TSPOAP1: variants seen among roughly 807,000 people sequenced by gnomAD.
TSPOAP1 encodes peripheral-type benzodiazepine receptor-associated protein 1.
A neutral mutation model predicts 197.0 loss-of-function variants in TSPOAP1; 87 were observed. The observed-to-expected ratio is 0.44, with a 90% CI of 0.37 to 0.53. The LOEUF (loss-of-function observed/expected upper bound fraction) is 0.53. Among genes scored for constraint, TSPOAP1 ranks in the 20% least tolerant of loss-of-function variants. The pLI, the probability that TSPOAP1 is intolerant of heterozygous loss-of-function variation, is 0.00. For synonymous variants in TSPOAP1, 913 were observed against 998.9 expected (o/e 0.91, Z 1.62); for missense variants, 2,174 against 2,411.3 (o/e 0.90, Z 2.06).
chr17:58,309,952 TC>T lies in TSPOAP1; in HGVS notation c.3891+14del, dbSNP rs1971028364. 1 of 1,601,202 alleles carries T rather than the reference TC, an allele frequency of 6.2e-7. No individual in the cohort carries two copies. On this transcript the variant is annotated intron_variant, in intron 21 of 31. Coordinates refer to ENST00000343736, the MANE Select transcript of TSPOAP1 (RefSeq NM_004758.4). The surrounding 1 kb of genome is among the most constrained non-coding windows in gnomAD (Gnocchi z 5.0). ...TTGAGGCCTGGGGCCCAACAGCCCA[TC>T]CCTACCCCGTTACCTTGGCCCCATT...
chr17:58,323,997 G>GC (rs1324727018), intron 5 of TSPOAP1, among the ~76,000 whole-genome samples: 3 of 152,176 alleles, frequency 2.0e-5, no homozygotes, highest in Non-Finnish European at 2.9e-5. Context: ...GCCTAGAGCA[G>GC]CGCAAGTCCA....
Position 58,309,302 on chromosome 17 carries a change from A to G in TSPOAP1, c.3970T>C (p.Phe1324Leu). 1 of 1,613,564 alleles carries G rather than the reference A, an allele frequency of 6.2e-7. No homozygotes were observed. Among genetic ancestry groups the G allele is most frequent in the Non-Finnish European group, 8.5e-7 (1 of 1,179,922 alleles). The change falls in exon 22 of 32, where the codon TTC becomes CTC. Residue 1324 changes from phenylalanine (F) to leucine (L), a missense_variant. Physicochemically the swap from Phe to Leu is conservative, Grantham distance 22 (BLOSUM62 0). Coordinates refer to ENST00000343736, the MANE Select transcript of TSPOAP1 (RefSeq NM_004758.4). This position sits in a 1 kb window ranked among gnomAD's most constrained non-coding sequence, Gnocchi z 5.0. ...EQILELPLQQFCSKKLFSIPE... is the reference protein window; with the variant it reads ...EQILELPLQQLCSKKLFSIPE... ...ATGCTAAAGAGCTTCTTGCTACAGA[A>G]CTGCTGGAGGGGCAGCTCCAGGATC... is the stretch of plus-strand genomic sequence containing the variant.
chr17:58,325,034 C>T (rs1404230140), intron 4 of TSPOAP1, 32 bp from the exon 5 acceptor site: 2 of 1,492,228 alleles, frequency 1.3e-6, no homozygotes, highest in South Asian at 2.6e-5. Flanking sequence ...AGGGAGGGGA[C>T]TCAGGCCTAA....
chr17:58,305,327 C>A (rs772456594), intron 29 of TSPOAP1, 60 bp downstream of exon 29: 8 of 1,588,618 alleles, frequency 5.0e-6, no homozygotes, highest in Admixed American at 1.7e-5. Context: ...CCTTGCCTAT[C>A]CCCCTGTCCG....
chr17:58,312,505 T>C lies in TSPOAP1; in HGVS notation c.2316A>G (p.Ala772=), dbSNP rs774855924. The change falls in exon 17 of 32, where the codon GCA becomes GCG. Residue 772 remains alanine, a synonymous_variant. Coordinates refer to ENST00000343736, the MANE Select transcript of TSPOAP1 (RefSeq NM_004758.4). ...RSQPRPEEED[A]GDELSLSPSP... ...ATGGGCTCAGACTGAGCTCGTCCCC[T>C]GCATCCTCCTCCTCAGGTCTGGGCT... 9.4e-6 allele frequency: 15 copies of C among 1,600,874 alleles called. No homozygotes were observed. In the African/African-American group the frequency reaches 1.1e-4, roughly 11 times the overall value.
intron 31 of TSPOAP1, chr17:58,303,393 A>G (rs1187738040): frequency 6.6e-6 from 1 of 152,124 alleles, no homozygotes; most frequent in South Asian, 2.1e-4. Flanking sequence ...AAGTGGGTGC[A>G]CAACCGAGGC....
chr17:58,316,498 C>A lies in TSPOAP1; in HGVS notation c.1915G>T (p.Val639Phe). The change falls in exon 15 of 32, where the codon GTC becomes TTC. Residue 639 changes from valine (V) to phenylalanine (F), a missense_variant. Val to Phe is a conservative substitution (Grantham distance 50, BLOSUM62 -1). Around this residue, in one of 5 missense-constraint regions of TSPOAP1, gnomAD observed 1,933 missense variants for 2,139.0 expected, o/e 0.90. Transcript: ENST00000343736. ...SEVEELEADS[V>F]SLLPAAPEGS... ...TCTGGCGCAGCTGGGAGCAGGGAGA[C>A]ACTGTCTGCCTCCAGCTCCTCTACC... 6.2e-7 allele frequency: 1 copy of A among 1,613,594 alleles called. No individual in the cohort carries two copies. Among genetic ancestry groups the A allele is most frequent in the Non-Finnish European group, 8.5e-7 (1 of 1,179,702 alleles).
rs753629833 is a variant in TSPOAP1, at chr17:58,305,522, C to T, written c.5361+18G>A. On this transcript the variant is annotated intron_variant, in intron 28 of 31. Transcript: ENST00000343736. ...CTCTGCCACCGCCCTTTGCTGGGCT[C>T]TATCTGAGGGTCCTCACCTCCACGT... is the stretch of plus-strand genomic sequence containing the variant. 3.7e-6 allele frequency: 6 copies of T among 1,611,186 alleles called. No individual in the cohort carries two copies. Among genetic ancestry groups the T allele is most frequent in the Non-Finnish European group, 5.1e-6 (6 of 1,178,090 alleles).
At chr17:58,327,477 G>T in intron 1 of TSPOAP1, 111 bp downstream of exon 1, 1 of 1,088,486 alleles carries the variant, frequency 9.2e-7, no homozygotes, top group South Asian at 1.5e-5. Context: ...CAGGCCAAGA[G>T]AGGACAGGTG....
rs1971357690 is a variant in TSPOAP1, at chr17:58,320,032, A to C, written c.1494+77T>G. On this transcript the variant is annotated intron_variant, in intron 12 of 31. Transcript: ENST00000343736. ...CCCCTCTGCTGGATGAGAGAGGGGG[A>C]CTGCCTGGGCCCTGAGGGAGGAGAT... 3.3e-5 allele frequency: 51 copies of C among 1,566,558 alleles called. 2 individuals carry two copies. The South Asian group carries it at 5.5e-4, about 17-fold the overall frequency.
intron 26 of TSPOAP1, 83 bp downstream of exon 26, chr17:58,306,259 G>A: frequency 7.4e-7 from 1 of 1,347,850 alleles, no homozygotes; most frequent in South Asian, 1.3e-5. Flanking sequence ...CCCAGCACCT[G>A]AGAGAAAACA....
Position 58,328,094 on chromosome 17 carries a change from G to A in TSPOAP1, c.-174C>T, listed in dbSNP as rs1005262968. ...ACCCACAAAGGAGGCTGCAGAAGGC[G>A]CCAGGGCTGCTGGAGCTGGAGCCAG... On this transcript the variant is annotated 5_prime_UTR_variant, in exon 1 of 32. Transcript: ENST00000343736. This position sits in a 1 kb window ranked among gnomAD's most constrained non-coding sequence, Gnocchi z 4.3. 4.3e-5 allele frequency: 27 copies of A among 633,384 alleles called. No homozygotes were observed. Among genetic ancestry groups the A allele is most frequent in the South Asian group, 8.1e-5 (4 of 49,594 alleles). 39.2% of individuals were successfully genotyped at this position (633,384 alleles called of 1,614,324 possible). A position where few individuals can be genotyped will look rare whatever the true frequency, so the allele number is the denominator to read the frequency against.
chr17:58,305,107 G>T lies in TSPOAP1; in HGVS notation c.5498C>A (p.Ala1833Glu), dbSNP rs779924056. 6.2e-7 allele frequency: 1 copy of T among 1,614,012 alleles called. No homozygotes were observed. The highest frequency in any genetic ancestry group is 2.2e-5 in the East Asian group (1 of 44,880). Residue 1833 changes from alanine to glutamate, a missense_variant, in exon 30 of 32, where the codon GCA becomes GAA. Physicochemically the swap from Ala to Glu is moderately radical, Grantham distance 107. Transcript: ENST00000343736. ...SNFLEGPGPE[A>E]GGLDREPRTP... ...CCTGGGTTCCCTGTCCAGGCCGCCT[G>T]CCTCAGGCCCAGGGCCCTCCAGGAA...
At chr17:58,312,973 T>C (rs1182507797) in intron 16 of TSPOAP1, among the ~76,000 whole-genome samples, 1 of 152,234 alleles carries the variant, frequency 6.6e-6, no homozygotes, top group Non-Finnish European at 1.5e-5. Context: ...ATGAATCACC[T>C]ACAGATTTGT....
intron 10 of TSPOAP1, among the ~76,000 whole-genome samples, chr17:58,321,283 G>T (rs529173784): frequency 6.6e-6 from 1 of 150,628 alleles, no homozygotes; most frequent in Non-Finnish European, 1.5e-5. Context: ...GGAATCCCAC[G>T]GGGATCCTTG....
At position 58,319,081 on chromosome 17, in the gene TSPOAP1, C is replaced by T. The variant is rs1174486466; in HGVS notation, c.1699+9G>A. On this transcript the variant is annotated intron_variant, in intron 13 of 31. Coordinates refer to ENST00000343736, the MANE Select transcript of TSPOAP1 (RefSeq NM_004758.4). The stretch of plus-strand genomic sequence containing the variant: ...GATTCCAGGCCAATGCCACTGGGGT[C>T]CACCTTACCTTTGGGGCCAGACCCC... 6.6e-7 allele frequency: 1 copy of T among 1,514,472 alleles called. No homozygotes were observed. The highest frequency in any genetic ancestry group is 8.9e-7 in the Non-Finnish European group (1 of 1,123,428). The allele number at this position is 1,514,472 out of a possible 1,614,324, so 93.8% of individuals were successfully genotyped here.
At chr17:58,305,514 G>T in intron 28 of TSPOAP1, 26 bp downstream of exon 28, 1 of 1,610,386 alleles carries the variant, frequency 6.2e-7, no homozygotes, top group Non-Finnish European at 8.5e-7. Context: ...ACCGCCCTTT[G>T]CTGGGCTCTA....
Position 58,324,485 on chromosome 17 carries a change from C to T in TSPOAP1, c.942+326G>A, listed in dbSNP as rs1971507584. ...GCGGGAGGAGGCGGCGCGGGCTGGG[C>T]CCCGGGCGGCTGCCAGGACAACCAG... On this transcript the variant is annotated intron_variant, in intron 5 of 31. Coordinates refer to ENST00000343736, the MANE Select transcript of TSPOAP1 (RefSeq NM_004758.4). This position sits in a 1 kb window ranked among gnomAD's most constrained non-coding sequence, Gnocchi z 5.8. Among the ~76,000 whole-genome samples, 2 of 151,948 alleles carry T rather than the reference C, an allele frequency of 1.3e-5. No homozygotes were observed. Among genetic ancestry groups the T allele is most frequent in the South Asian group, 2.1e-4 (1 of 4,832 alleles).
rs763369990 is a variant in TSPOAP1 at position 58,311,204 on chromosome 17, C to T, written c.3091G>A (p.Val1031Met). The T allele has an allele frequency of 2.5e-6, 4 of 1,611,636 alleles. No individual in the cohort carries two copies. The highest frequency in any genetic ancestry group is 2.2e-5 in the East Asian group (1 of 44,864). ...ACACTGCCTGCCGTGGGTGAGGCCA[C>T]CTCCATGATCTGCAGGGTGGAGGGG... is the stretch of plus-strand genomic sequence containing the variant. ...IYADGQKIMEVASPTAGSVLV... is the reference protein window; with the variant it reads ...IYADGQKIMEMASPTAGSVLV... The change falls in exon 19 of 32, where the codon GTG (valine) becomes ATG (methionine). Residue 1031 changes from valine (V) to methionine (M), a missense_variant. Physicochemically the swap from Val to Met is conservative, Grantham distance 21. This residue lies in a region of TSPOAP1 where 1,933 missense variants were observed against 2,139.0 expected (regional missense o/e 0.90). Transcript: ENST00000343736.
Sources: gnomAD v4.1 joint callset for allele counts (sites outside exome capture counted in the v4.1 genomes callset) on GRCh38, gnomAD v4.1.1 for gene constraint, gnomAD v4.1.1 regional missense constraint, Gnocchi (gnomAD v3.1) non-coding constraint, MANE v1.5 for transcripts, NCBI Gene and HGNC (gene_info 2026-07-23, HGNC 2026-07-21) for gene names.